The following PLCE1 variants were observed in gnomAD, a reference collection of about 807,000 sequenced individuals.
PLCE1 encodes the protein phospholipase C epsilon 1.
A neutral mutation model predicts 242.8 loss-of-function variants in PLCE1; 119 were observed. The observed-to-expected ratio is 0.49, with a 90% confidence interval of 0.42 to 0.57. The LOEUF is 0.57. Among genes scored for constraint, PLCE1 ranks in the 20% least tolerant of loss-of-function variants. The pLI is 0.00. For missense variants in PLCE1, 2,441 were observed against 2,788.8 expected, an observed-to-expected ratio of 0.88 and a Z score of 2.81; for synonymous variants, 945 against 1,017.4, an observed-to-expected ratio of 0.93 and a Z score of 1.35.
chr10:94,139,838 G>A (rs1248092508), intron 3 of PLCE1, among the ~76,000 whole-genome samples: 1 of 152,128 alleles, frequency 6.6e-6, no homozygotes, highest in African/African-American at 2.4e-5. Flanking sequence ...GATCTCCAAG[G>A]ATCCTCTGTT....
intron 1 of PLCE1, among the ~76,000 whole-genome samples, chr10:93,994,463 C>G (rs1294452160): frequency 6.6e-6 from 1 of 152,276 alleles, no homozygotes; most frequent in African/African-American, 2.4e-5. Flanking sequence ...AAAGGACACC[C>G]TGCCAGTGCC....
chr10:94,218,844 T>C (rs1273642010), intron 4 of PLCE1, among the ~76,000 whole-genome samples: 1 of 149,352 alleles, frequency 6.7e-6, no homozygotes, highest in African/African-American at 2.4e-5. Flanking sequence ...AATTATCCAA[T>C]TATTATATCA....
chr10:94,045,561 A>C (rs188958221), intron 2 of PLCE1, among the ~76,000 whole-genome samples: 2 of 152,270 alleles, frequency 1.3e-5, no homozygotes, highest in East Asian at 3.9e-4. Flanking sequence ...ACTGGAATCA[A>C]GGTCTCTATA....
chr10:94,268,912 G>A lies in PLCE1; in HGVS notation c.4282-17G>A, dbSNP rs372556421. 2.1e-5 allele frequency: 31 copies of A among 1,507,070 alleles called. No individual in the cohort carries two copies. In the East Asian group the frequency reaches 2.9e-4, roughly 14 times the overall value. 93.4% of individuals were successfully genotyped at this position (1,507,070 alleles called of 1,614,324 possible). On this transcript the variant is annotated splice_polypyrimidine_tract_variant and intron_variant, in intron 16 of 32. Transcript: ENST00000371380. ...CCAGGTGCTCACCTGGGGTGGATTC[G>A]CTCATTGATCACACAGGTCCTTTTG...
chr10:94,094,663 A>G lies in PLCE1; in HGVS notation c.1207-37511A>G, dbSNP rs567774042. The G allele has an allele frequency of 3.3e-5, 5 of 152,274 alleles. No individual in the cohort carries two copies. The East Asian group carries it at 9.7e-4, about 29-fold the overall frequency. The allele number at this position is 152,274 out of a possible 1,614,324, so 9.4% of individuals were successfully genotyped here. A position where few individuals can be genotyped will look rare whatever the true frequency, so the allele number is the denominator to read the frequency against. ...GGAAACCCTGGGTCAGTCATGGGTAACTACTCTTACCAGTGGTGGACGCTC... is the reference window on the plus strand; with the variant it reads ...GGAAACCCTGGGTCAGTCATGGGTAGCTACTCTTACCAGTGGTGGACGCTC... On this transcript the variant is annotated intron_variant, in intron 2 of 32. Transcript: ENST00000371380.
chr10:94,246,455 G>A lies in PLCE1; in HGVS notation c.2930G>A (p.Gly977Glu). 6.2e-7 allele frequency: 1 copy of A among 1,614,130 alleles called. No homozygotes were observed. Among genetic ancestry groups the A allele is most frequent in the Non-Finnish European group, 8.5e-7 (1 of 1,180,016 alleles). ...LSETGVTLLY[G>E]LQTTDNRLLH... The stretch of plus-strand genomic sequence containing the variant: ...GAGACTGGTGTGACATTGCTCTATG[G>A]GCTTCAGACCACAGACAACAGATTA... The change falls in exon 8 of 33, where the codon GGG becomes GAG. Residue 977 changes from glycine to glutamate, a missense_variant. Gly to Glu is a moderately conservative substitution (Grantham distance 98). Around this residue, in one of 5 missense-constraint regions of PLCE1, gnomAD observed 1,004 missense variants for 1,322.7 expected, o/e 0.76. Coordinates refer to ENST00000371380, the MANE Select transcript of PLCE1 (RefSeq NM_016341.4).
intron 2 of PLCE1, chr10:94,107,077 G>A (rs1245329528): frequency 6.6e-6 from 1 of 151,700 alleles, no homozygotes; most frequent in African/African-American, 2.4e-5. Flanking sequence ...CTAGAGAAGA[G>A]TGAGTTCTGA....
chr10:94,253,331 G>A (rs760571307), intron 9 of PLCE1, among the ~76,000 whole-genome samples: 1 of 152,096 alleles, frequency 6.6e-6, no homozygotes, highest in East Asian at 1.9e-4. Context: ...GCAGGAGTGA[G>A]AGAGAAGGGG....
chr10:94,083,241 G>A (rs2044704954), intron 2 of PLCE1, among the ~76,000 whole-genome samples: 1 of 152,126 alleles, frequency 6.6e-6, no homozygotes, highest in Non-Finnish European at 1.5e-5. Flanking sequence ...GGTGTGTATT[G>A]GATAAAATAA....
In PLCE1 at chr10:94,246,567, A is replaced by G; in HGVS notation, c.3042A>G (p.Lys1014=). The G allele has an allele frequency of 6.2e-7, 1 of 1,614,184 alleles. No individual in the cohort carries two copies. The highest frequency in any genetic ancestry group is 8.5e-7 in the Non-Finnish European group (1 of 1,180,008). ...ELTRAVRKMR[K]FPDQRQQWLR... is the part of the protein sequence containing the mutation. ...CTAGAGCTGTGAGAAAGATGAGGAA[A>G]TTCCCTGACCAAAGACAGCAGTGGC... The change falls in exon 8 of 33, where the codon AAA becomes AAG. Residue 1014 remains lysine, a synonymous_variant. Transcript: ENST00000371380.
At chr10:94,071,495 GTT>G (rs559496577) in intron 2 of PLCE1, among the ~76,000 whole-genome samples, 406 of 83,246 alleles carry the variant, frequency 4.9e-3, no homozygotes, top group African/African-American at 0.021. Context: ...TTTGGTTTTC[GTT>G]TTTTTTTTTT....
intron 3 of PLCE1, among the ~76,000 whole-genome samples, chr10:94,137,595 G>C (rs1259942424): frequency 6.6e-6 from 1 of 152,160 alleles, no homozygotes; most frequent in East Asian, 1.9e-4. Context: ...AATTGTTGCT[G>C]AGTAAAGCAC....
chr10:94,165,925 T>G (rs577401373), intron 3 of PLCE1, among the ~76,000 whole-genome samples: 121 of 152,224 alleles, frequency 7.9e-4, no homozygotes, highest in Non-Finnish European at 1.2e-3. Context: ...AAGGCTGGTC[T>G]CCAACTCCTG....
At chr10:94,234,810 T>C (rs2050262422) in intron 6 of PLCE1, among the ~76,000 whole-genome samples, 1 of 152,116 alleles carries the variant, frequency 6.6e-6, no homozygotes, top group Admixed American at 6.5e-5. Flanking sequence ...CCCAGATCCA[T>C]TGCCTCCTGT....
intron 3 of PLCE1, among the ~76,000 whole-genome samples, chr10:94,151,559 A>C (rs2047275620): frequency 6.6e-6 from 1 of 152,234 alleles, no homozygotes; most frequent in Non-Finnish European, 1.5e-5. Context: ...CAGAAGCATT[A>C]GGATTTTATC....
intron 16 of PLCE1, among the ~76,000 whole-genome samples, chr10:94,267,532 G>A (rs1276872372): frequency 6.6e-6 from 1 of 152,162 alleles, no homozygotes; most frequent in African/African-American, 2.4e-5. Flanking sequence ...AATGGGAAGT[G>A]AGAATAAGCC....
At chr10:94,207,354 A>C (rs1357027412) in intron 4 of PLCE1, among the ~76,000 whole-genome samples, 2 of 152,260 alleles carry the variant, frequency 1.3e-5, no homozygotes, top group African/African-American at 2.4e-5. Flanking sequence ...TAGGATAACT[A>C]TACAAAAGCC....
chr10:94,023,330 T>C (rs2061405875), intron 1 of PLCE1, among the ~76,000 whole-genome samples: 1 of 152,198 alleles, frequency 6.6e-6, no homozygotes, highest in Non-Finnish European at 1.5e-5. Flanking sequence ...GGATTGACTT[T>C]TGGTGGGTCT....
At chr10:94,313,164 G>A (rs544415978) in intron 27 of PLCE1, 90 bp from the exon 28 acceptor site, 42 of 1,473,510 alleles carry the variant, frequency 2.9e-5, no homozygotes, top group African/African-American at 2.4e-4. Flanking sequence ...GTTCCTATCC[G>A]TACTTCTAAG....
Sources: gnomAD v4.1 joint callset for allele counts (sites outside exome capture counted in the v4.1 genomes callset) on GRCh38, gnomAD v4.1.1 for gene constraint, gnomAD v4.1.1 regional missense constraint, MANE v1.5 for transcripts, NCBI Gene and HGNC (gene_info 2026-07-23, HGNC 2026-07-21) for gene names.